Variants in GSE1 observed in about 807,000 individuals in gnomAD.
GSE1 encodes the protein genetic suppressor element 1.
A neutral mutation model predicts 112.6 loss-of-function variants in GSE1; 32 were observed. The observed-to-expected ratio is 0.28, with a 90% CI of 0.21 to 0.38. GSE1 has a LOEUF of 0.38. Among genes scored for constraint, GSE1 ranks in the 10% least tolerant of loss-of-function variants. The pLI is 1.00. For synonymous variants in GSE1, 1,115 were observed against 735.6 expected, an observed-to-expected ratio of 1.52 and a Z score of -8.35; for missense variants, 2,348 against 1,699.2, an observed-to-expected ratio of 1.38 and a Z score of -6.71.
chr16:85,301,291 G>C lies in GSE1; in HGVS notation c.2284-56172G>C, dbSNP rs575247619. ...TTGGTGAATGTTTGCTAAGAACCCA[G>C]GCAGCTGGCAGGAGCTGCCTTCACT... On this transcript the variant is annotated intron_variant, in intron 1 of 2. Coordinates refer to the GSE1 transcript ENST00000637419. Among the ~76,000 whole-genome samples, 100 of 152,352 alleles carry C rather than the reference G, an allele frequency of 6.6e-4. 1 individual carries two copies. Among genetic ancestry groups the C allele is most frequent in the African/African-American group, 2.4e-3 (98 of 41,578 alleles).
chr16:85,209,551 G>A (rs1186922724), intron 1 of GSE1, among the ~76,000 whole-genome samples: 1 of 152,124 alleles, frequency 6.6e-6, no homozygotes, highest in African/African-American at 2.4e-5. Context: ...ACATTAGGGA[G>A]AAACCCATAA....
At chr16:85,639,759 A>G (rs1258375996) in intron 2 of GSE1, among the ~76,000 whole-genome samples, 1 of 152,162 alleles carries the variant, frequency 6.6e-6, no homozygotes, top group Non-Finnish European at 1.5e-5. Context: ...CGCCGCCCCC[A>G]CTGCTGTGTG....
chr16:85,610,905 T>C (rs989770473), upstream of GSE1, among the ~76,000 whole-genome samples: 7 of 152,190 alleles, frequency 4.6e-5, no homozygotes, highest in African/African-American at 1.7e-4. Flanking sequence ...GCCGGAGGGA[T>C]TGGCCGGCTC....
chr16:85,671,343 G>A (rs985095068), intron 15 of GSE1, among the ~76,000 whole-genome samples: 2 of 149,374 alleles, frequency 1.3e-5, no homozygotes, highest in African/African-American at 4.9e-5. Context: ...GGGAGGCTGA[G>A]GCAGGAGAAT....
chr16:85,630,570 C>T (rs935531371), intron 1 of GSE1, among the ~76,000 whole-genome samples: 12 of 152,238 alleles, frequency 7.9e-5, no homozygotes, highest in African/African-American at 2.9e-4. Context: ...TCCCACCTCA[C>T]CCTCCTACTT....
chr16:85,236,813 C>A (rs888778156), intron 1 of GSE1, among the ~76,000 whole-genome samples: 3 of 152,068 alleles, frequency 2.0e-5, no homozygotes, highest in Non-Finnish European at 4.4e-5. Flanking sequence ...AGGTGTGCCT[C>A]CCCTGTACCT....
intron 2 of GSE1, among the ~76,000 whole-genome samples, chr16:85,370,068 C>T (rs1163126277): frequency 2.6e-5 from 4 of 152,256 alleles, no homozygotes; most frequent in East Asian, 3.9e-4. Flanking sequence ...GGTCCCTGCG[C>T]CACCCTTGCG....
chr16:85,649,572 A>C (rs1303147408), intron 3 of GSE1, among the ~76,000 whole-genome samples: 2 of 152,034 alleles, frequency 1.3e-5, no homozygotes, highest in African/African-American at 2.4e-5. Flanking sequence ...TGGCACTGGG[A>C]GCTGCTCTTC....
chr16:85,269,402 C>T (rs898133061), intron 1 of GSE1, among the ~76,000 whole-genome samples: 2 of 149,126 alleles, frequency 1.3e-5, no homozygotes, highest in South Asian at 2.1e-4. Context: ...TCTGCGTCAG[C>T]GCAGGGTGGG....
chr16:85,577,106 C>A (rs918522288), intron 1 of GSE1, among the ~76,000 whole-genome samples: 2 of 151,690 alleles, frequency 1.3e-5, no homozygotes, highest in African/African-American at 4.9e-5. Flanking sequence ...TCCCCGGGCA[C>A]CCGGCCAGGG....
chr16:85,209,143 A>C (rs1262431067), intron 1 of GSE1, among the ~76,000 whole-genome samples: 1 of 152,098 alleles, frequency 6.6e-6, no homozygotes, highest in South Asian at 2.1e-4. Context: ...GTGTTTACTG[A>C]GTCCAGTGTT....
chr16:85,658,184 C>T (rs1296707250), intron 8 of GSE1, among the ~76,000 whole-genome samples: 1 of 152,206 alleles, frequency 6.6e-6, no homozygotes, highest in East Asian at 1.9e-4. Context: ...CCCCAGTCCT[C>T]CCTGCCCCTG....
intron 1 of GSE1, among the ~76,000 whole-genome samples, chr16:85,557,641 G>T (rs1475807609): frequency 2.0e-5 from 3 of 151,554 alleles, no homozygotes; most frequent in African/African-American, 7.3e-5. Context: ...GGAGTCCCCA[G>T]GAGGAGCGTG....
rs371224786 is a variant in GSE1, at chr16:85,654,258, T to G, written c.427-20T>G. 8.9e-6 allele frequency: 14 copies of G among 1,574,092 alleles called. 1 individual carries two copies. Among genetic ancestry groups the G allele is most frequent in the African/African-American group, 5.4e-5 (4 of 73,708 alleles). ...GCCTATACCAGGCTCCTGCCCTGAC[T>G]GGACGCTCTCCTCCCGCAGGATGCC... On this transcript the variant is annotated intron_variant, in intron 3 of 15. Coordinates refer to ENST00000253458, the MANE Select transcript of GSE1 (RefSeq NM_014615.5).
chr16:85,435,659 A>C (rs1379493743), intron 2 of GSE1, among the ~76,000 whole-genome samples: 1 of 152,080 alleles, frequency 6.6e-6, no homozygotes, highest in Non-Finnish European at 1.5e-5. Context: ...CTGAGAGGGA[A>C]GGGGAGAGGG....
At position 85,639,425 on chromosome 16, in the gene GSE1, G is replaced by A. The variant is rs569412494; in HGVS notation, c.226+5293G>A. 2.6e-5 allele frequency among the ~76,000 whole-genome samples: 4 copies of A among 152,338 alleles called. No individual in the cohort carries two copies. The East Asian group carries it at 5.8e-4, about 22-fold the overall frequency. On this transcript the variant is annotated intron_variant, in intron 2 of 15. Transcript: ENST00000253458. ...TCAGCCTAGGAGTCCCAAGACTGGG[G>A]GGATGGGTCCCAGCCCTGTGTCCCA... is the stretch of plus-strand genomic sequence containing the variant.
chr16:85,246,350 C>T (rs1597178958), intron 1 of GSE1, among the ~76,000 whole-genome samples: 1 of 37,904 alleles, frequency 2.6e-5, no homozygotes. Flanking sequence ...ACGCTGTCTA[C>T]ACACACACAC....
chr16:85,399,704 G>T (rs558012017), intron 2 of GSE1, among the ~76,000 whole-genome samples: 1 of 152,208 alleles, frequency 6.6e-6, no homozygotes, highest in Admixed American at 6.5e-5. Flanking sequence ...GGGGGATGCC[G>T]CAGACAGTGA....
intron 1 of GSE1, among the ~76,000 whole-genome samples, chr16:85,323,147 G>C (rs1279090956): frequency 1.3e-5 from 2 of 152,170 alleles, no homozygotes; most frequent in South Asian, 2.1e-4. Flanking sequence ...GGGGCAAGAC[G>C]TGAGAGGCAA....
Sources: gnomAD v4.1 joint callset for allele counts (sites outside exome capture counted in the v4.1 genomes callset) on GRCh38, gnomAD v4.1.1 for gene constraint, MANE v1.5 for transcripts, NCBI Gene and HGNC (gene_info 2026-07-23, HGNC 2026-07-21) for gene names.